PLCE1: variants seen among roughly 807,000 people sequenced by gnomAD.
PLCE1 encodes phospholipase C epsilon 1, also known as 1-phosphatidylinositol 4,5-bisphosphate phosphodiesterase epsilon-1.
Under a neutral mutation model 242.8 loss-of-function variants are expected in PLCE1, and 119 were observed. The observed-to-expected ratio is 0.49, with a 90% CI of 0.42 to 0.57. PLCE1 has a LOEUF of 0.57. Among genes scored for constraint, PLCE1 ranks in the 20% least tolerant of loss-of-function variants. The pLI is 0.00. For missense variants in PLCE1, 2,441 were observed against 2,788.8 expected, an observed-to-expected ratio of 0.88 and a Z score of 2.81; for synonymous variants, 945 against 1,017.4, an observed-to-expected ratio of 0.93 and a Z score of 1.35.
At chr10:94,061,807 G>T (rs1285894379) in intron 2 of PLCE1, among the ~76,000 whole-genome samples, 1 of 152,154 alleles carries the variant, frequency 6.6e-6, no homozygotes, top group Non-Finnish European at 1.5e-5. Flanking sequence ...CACACTGAAA[G>T]CTCAAGTGCA....
rs566155335 is a variant in PLCE1 at position 94,153,756 on chromosome 10, G to GA, written c.1493-17417dup. 2.1e-3 allele frequency among the ~76,000 whole-genome samples: 312 copies of GA among 151,912 alleles called. 3 individuals are homozygous for GA. Among genetic ancestry groups the GA allele is most frequent in the African/African-American group, 6.5e-3 (269 of 41,458 alleles). ...ATTAACAATCCAAAAATGAAATCAA[G>GA]AAAAAAATCCATTTATAGTAGTATG... is the stretch of plus-strand genomic sequence containing the variant. On this transcript the variant is annotated intron_variant, in intron 3 of 32. Coordinates refer to ENST00000371380, the MANE Select transcript of PLCE1 (RefSeq NM_016341.4).
intron 4 of PLCE1, among the ~76,000 whole-genome samples, chr10:94,197,559 C>T (rs969640613): frequency 2.0e-5 from 3 of 152,182 alleles, no homozygotes; most frequent in Non-Finnish European, 4.4e-5. Context: ...GTTTTGATTT[C>T]ATTTTCCTAA....
chr10:94,242,468 G>A (rs933682208), intron 7 of PLCE1, among the ~76,000 whole-genome samples: 2 of 151,950 alleles, frequency 1.3e-5, no homozygotes, highest in African/African-American at 4.8e-5. Context: ...CTGCCACCAC[G>A]CCCAGCTAAT....
At chr10:94,086,221 T>C (rs1020228188) in intron 2 of PLCE1, among the ~76,000 whole-genome samples, 1 of 152,202 alleles carries the variant, frequency 6.6e-6, no homozygotes, top group Admixed American at 6.5e-5. Flanking sequence ...GCTCAAAACA[T>C]TTTTGGAGCT....
intron 2 of PLCE1, among the ~76,000 whole-genome samples, chr10:94,035,068 C>A (rs2061637432): frequency 6.6e-6 from 1 of 152,150 alleles, no homozygotes; most frequent in Non-Finnish European, 1.5e-5. Flanking sequence ...AGGAGCCCCT[C>A]ACCAGCATGC....
At chr10:94,289,384 A>T (rs796741926) in intron 22 of PLCE1, among the ~76,000 whole-genome samples, 1 of 152,336 alleles carries the variant, frequency 6.6e-6, no homozygotes, top group Non-Finnish European at 1.5e-5. Context: ...CTGGGAGAGC[A>T]TCCAGAAGAA....
intron 2 of PLCE1, chr10:94,094,697 G>C (rs2045233568): frequency 6.6e-6 from 1 of 152,150 alleles, no homozygotes; most frequent in Admixed American, 6.5e-5. Flanking sequence ...TCCTTTTGGT[G>C]CCAGCCTTAT....
chr10:94,078,238 A>G (rs955939552), intron 2 of PLCE1, among the ~76,000 whole-genome samples: 1 of 152,206 alleles, frequency 6.6e-6, no homozygotes, highest in Non-Finnish European at 1.5e-5. Flanking sequence ...TTGCATTAGA[A>G]TGGCAGCCTC....
chr10:94,138,892 C>T (rs760157680), intron 3 of PLCE1: 1 of 165,888 alleles, frequency 6.0e-6, no homozygotes, highest in Non-Finnish European at 1.3e-5. Context: ...ACCTAGGGCC[C>T]AAATGTGGGC....
intron 4 of PLCE1, among the ~76,000 whole-genome samples, chr10:94,221,437 T>G (rs1484069967): frequency 6.6e-6 from 1 of 152,222 alleles, no homozygotes. Context: ...ATAAACTACT[T>G]GAAAGTAGCT....
chr10:94,063,420 T>C (rs1453985932), intron 2 of PLCE1, among the ~76,000 whole-genome samples: 1 of 152,182 alleles, frequency 6.6e-6, no homozygotes, highest in East Asian at 1.9e-4. Flanking sequence ...TCCACCATCC[T>C]AGATGGAATA....
At chr10:94,079,962 T>G (rs919121355) in intron 2 of PLCE1, among the ~76,000 whole-genome samples, 1 of 152,250 alleles carries the variant, frequency 6.6e-6, no homozygotes, top group Non-Finnish European at 1.5e-5. Flanking sequence ...ATTTCAAGTT[T>G]ATAGCTGATT....
At chr10:94,024,065 CATATT>C (rs2061419663) in intron 1 of PLCE1, among the ~76,000 whole-genome samples, 1 of 152,118 alleles carries the variant, frequency 6.6e-6, no homozygotes, top group Non-Finnish European at 1.5e-5. Context: ...AAGACTGACT[CATATT>C]ATGTAGGGTT....
rs1043660314 is a variant in PLCE1, at chr10:94,035,974, A to G, written c.1206+3722A>G. Among the ~76,000 whole-genome samples, 9 of 152,256 alleles carry G rather than the reference A, an allele frequency of 5.9e-5. No individual in the cohort carries two copies. In the South Asian group the frequency reaches 1.7e-3, roughly 28 times the overall value. On this transcript the variant is annotated intron_variant, in intron 2 of 32. Transcript: ENST00000371380. ...GTTCTGCATTATTTTACTCTCCATA[A>G]TGCAAGCATAATGCCAAGTATACAG...
chr10:94,267,781 AG>A (rs2133089405), intron 16 of PLCE1, among the ~76,000 whole-genome samples: 1 of 152,280 alleles, frequency 6.6e-6, no homozygotes, highest in Admixed American at 6.5e-5. Flanking sequence ...CTGCACCTCT[AG>A]ATACTCTAGC....
intron 3 of PLCE1, among the ~76,000 whole-genome samples, chr10:94,169,731 T>A (rs1168915757): frequency 1.3e-5 from 2 of 152,152 alleles, no homozygotes. Context: ...AGTTAGATAA[T>A]AGGAATTAGC....
chr10:94,157,482 A>T (rs2047469914), intron 3 of PLCE1, among the ~76,000 whole-genome samples: 1 of 152,128 alleles, frequency 6.6e-6, no homozygotes, highest in African/African-American at 2.4e-5. Context: ...CCAAGATCCC[A>T]CTCTACTTCT....
Position 94,130,617 on chromosome 10 carries a change from T to C in PLCE1, c.1207-1557T>C, listed in dbSNP as rs1590086119. Among the ~76,000 whole-genome samples, 3 of 152,346 alleles carry C rather than the reference T, an allele frequency of 2.0e-5. No individual in the cohort carries two copies. In the South Asian group the frequency reaches 6.2e-4, roughly 32 times the overall value. On this transcript the variant is annotated intron_variant, in intron 2 of 32. Coordinates refer to ENST00000371380, the MANE Select transcript of PLCE1 (RefSeq NM_016341.4). ...TGTACCTGACCCCAAACCTGGGCTC[T>C]TTCTGTCCCAGCACACCATCTCCAT...
At chr10:94,098,138 C>T (rs367789961) in intron 2 of PLCE1, among the ~76,000 whole-genome samples, 36 of 152,234 alleles carry the variant, frequency 2.4e-4, no homozygotes, top group African/African-American at 8.4e-4. Flanking sequence ...CTTTTCATGT[C>T]GTCAAGGAGA....
Sources: gnomAD v4.1 joint callset for allele counts (sites outside exome capture counted in the v4.1 genomes callset) on GRCh38, gnomAD v4.1.1 for gene constraint, MANE v1.5 for transcripts, NCBI Gene and HGNC (gene_info 2026-07-23, HGNC 2026-07-21) for gene names.